CADPS: variants seen among roughly 807,000 people sequenced by gnomAD.
CADPS encodes calcium dependent secretion activator.
In CADPS, 57 loss-of-function variants were observed where a neutral mutation model predicts 167.3. The ratio of observed to expected loss-of-function variants is 0.34; its 90% CI spans 0.28 to 0.42. The LOEUF (loss-of-function observed/expected upper bound fraction) is 0.42, where lower values mean the gene tolerates loss of function less well. CADPS is among the 20% of genes least tolerant of loss of function. The pLI is 1.00. For missense variants in CADPS, 1,414 were observed against 1,738.1 expected, an observed-to-expected ratio of 0.81 and a Z score of 3.32; for synonymous variants, 676 against 635.3, an observed-to-expected ratio of 1.06 and a Z score of -0.96.
rs1171393564 is a variant in CADPS, at chr3:62,429,078, TATCAGGAACTA to T, written c.3777+9015_3777+9025del. On this transcript the variant is annotated intron_variant, in intron 28 of 29. Transcript: ENST00000383710. Reference sequence around the variant, plus strand: ...TGAAATTTTTGAAATTCAGTGGTAATATCAGGAACTATCAGACTGCATCACATAAATATTGT... The same window carrying T: ...TGAAATTTTTGAAATTCAGTGGTAATTCAGACTGCATCACATAAATATTGT... Among the ~76,000 whole-genome samples the T allele has an allele frequency of 4.7e-3, 712 of 152,360 alleles. 6 individuals are homozygous for T. The highest frequency in any genetic ancestry group is 0.016 in the African/African-American group (645 of 41,590).
At chr3:62,622,470 A>G (rs1257584554) in intron 6 of CADPS, among the ~76,000 whole-genome samples, 1 of 152,154 alleles carries the variant, frequency 6.6e-6, no homozygotes, top group Non-Finnish European at 1.5e-5. Context: ...TTTTCCAGAC[A>G]TGGCAATTGT....
intron 26 of CADPS, among the ~76,000 whole-genome samples, chr3:62,453,867 G>A (rs1021727914): frequency 6.6e-6 from 1 of 152,194 alleles, no homozygotes; most frequent in Non-Finnish European, 1.5e-5. Flanking sequence ...GGCCAGTTGG[G>A]AGGCACTATT....
chr3:62,638,150 G>T lies in CADPS; in HGVS notation c.1325+7572C>A, dbSNP rs2066699534. On this transcript the variant is annotated intron_variant, in intron 6 of 29. Transcript: ENST00000383710. ...GAATATGGAAATGGAGGCACAAAGA[G>T]TTAAGCAGCCTGCCCACTCACACAG... 2.0e-5 allele frequency among the ~76,000 whole-genome samples: 3 copies of T among 151,378 alleles called. No homozygotes were observed. The South Asian group carries it at 6.2e-4, about 31-fold the overall frequency.
At chr3:62,764,977 G>A (rs866109847) in intron 2 of CADPS, among the ~76,000 whole-genome samples, 3 of 152,280 alleles carry the variant, frequency 2.0e-5, no homozygotes, top group Admixed American at 6.5e-5. Flanking sequence ...GGTCTCTAAT[G>A]GTTGTCATCT....
At chr3:62,826,793 T>C (rs2074128296) in intron 1 of CADPS, among the ~76,000 whole-genome samples, 1 of 152,104 alleles carries the variant, frequency 6.6e-6, no homozygotes, top group Admixed American at 6.6e-5. Context: ...CACCCATCCT[T>C]AGGTTTGGTT....
At position 62,865,468 on chromosome 3, in the gene CADPS, G is replaced by A. The variant is rs553356736; in HGVS notation, c.441+9121C>T. On this transcript the variant is annotated intron_variant, in intron 1 of 29. Transcript: ENST00000383710. ...GCACAGAAGTAATTCTGAGAAGCACGTGATGAATTAATATTTTCCTCCCAT... is the reference window on the plus strand; with the variant it reads ...GCACAGAAGTAATTCTGAGAAGCACATGATGAATTAATATTTTCCTCCCAT... Among the ~76,000 whole-genome samples, 7 of 150,926 alleles carry A rather than the reference G, an allele frequency of 4.6e-5. No individual in the cohort carries two copies. In the East Asian group the frequency reaches 5.8e-4, roughly 13 times the overall value.
chr3:62,870,575 C>G (rs2082453247), intron 1 of CADPS, among the ~76,000 whole-genome samples: 1 of 152,088 alleles, frequency 6.6e-6, no homozygotes, highest in African/African-American at 2.4e-5. Context: ...GTAGCTTGAA[C>G]TTACAAGACA....
chr3:62,518,321 G>C (rs2069504425), intron 13 of CADPS, 71 bp from the exon 14 acceptor site: 1 of 1,138,818 alleles, frequency 8.8e-7, no homozygotes, highest in African/African-American at 1.6e-5. Context: ...TCTCTAGCAG[G>C]AGGAAACTGT....
intron 28 of CADPS, among the ~76,000 whole-genome samples, chr3:62,422,172 A>C (rs1204367061): frequency 6.6e-6 from 1 of 152,174 alleles, no homozygotes; most frequent in Non-Finnish European, 1.5e-5. Flanking sequence ...CCTCACGTCC[A>C]CATCCACTTA....
intron 3 of CADPS, among the ~76,000 whole-genome samples, chr3:62,706,835 A>T (rs2082394713): frequency 2.0e-5 from 3 of 152,084 alleles, no homozygotes; most frequent in African/African-American, 7.3e-5. Context: ...TGGAATAATT[A>T]CTGGGGACTC....
chr3:62,623,598 C>CT (rs1212987294), intron 6 of CADPS, among the ~76,000 whole-genome samples: 1 of 152,118 alleles, frequency 6.6e-6, no homozygotes, highest in African/African-American at 2.4e-5. Flanking sequence ...CAATAAATTC[C>CT]TAGTCCTTCT....
chr3:62,485,075 T>C (rs976145791), intron 21 of CADPS, among the ~76,000 whole-genome samples: 1 of 152,108 alleles, frequency 6.6e-6, no homozygotes, highest in African/African-American at 2.4e-5. Context: ...GAAAATTTAA[T>C]ACAACAGATA....
chr3:62,798,360 C>A (rs2093571158), intron 1 of CADPS, among the ~76,000 whole-genome samples: 2 of 152,088 alleles, frequency 1.3e-5, no homozygotes. Flanking sequence ...CTCCTTCCAG[C>A]AGGAAGCTGT....
At chr3:62,726,707 C>T (rs1211655686) in intron 3 of CADPS, among the ~76,000 whole-genome samples, 1 of 151,900 alleles carries the variant, frequency 6.6e-6, no homozygotes, top group African/African-American at 2.4e-5. Flanking sequence ...GGATTCCAGC[C>T]AAAGGAAGCA....
At chr3:62,457,441 A>G (rs1484339188) in intron 26 of CADPS, among the ~76,000 whole-genome samples, 1 of 152,242 alleles carries the variant, frequency 6.6e-6, no homozygotes, top group African/African-American at 2.4e-5. Context: ...ATTAATAAAG[A>G]GGTGTTTTAG....
intron 3 of CADPS, among the ~76,000 whole-genome samples, chr3:62,675,588 A>C (rs1220265726): frequency 6.6e-6 from 1 of 152,188 alleles, no homozygotes; most frequent in African/African-American, 2.4e-5. Context: ...GCAGTATTTT[A>C]ACCAGTATAA....
chr3:62,600,746 C>A (rs141618809), intron 6 of CADPS, among the ~76,000 whole-genome samples: 79 of 152,290 alleles, frequency 5.2e-4, no homozygotes, highest in African/African-American at 1.8e-3. Flanking sequence ...ATGCCCCGTG[C>A]AGAAATAACA....
intron 3 of CADPS, among the ~76,000 whole-genome samples, chr3:62,746,308 C>A (rs576016759): frequency 6.6e-6 from 1 of 152,260 alleles, no homozygotes; most frequent in South Asian, 2.1e-4. Flanking sequence ...AGACTAACTT[C>A]ATGGGCCAGA....
intron 1 of CADPS, among the ~76,000 whole-genome samples, chr3:62,855,950 T>A (rs1383317807): frequency 6.6e-6 from 1 of 152,206 alleles, no homozygotes; most frequent in Non-Finnish European, 1.5e-5. Flanking sequence ...TAGACAGAAT[T>A]GAATCTTCCC....
Sources: allele counts gnomAD v4.1 joint callset (sites outside exome capture counted in the v4.1 genomes callset), GRCh38; gene constraint gnomAD v4.1.1; transcripts MANE v1.5; gene names NCBI Gene and HGNC (gene_info 2026-07-23, HGNC 2026-07-21).